LRRC27: variants seen among roughly 807,000 people sequenced by gnomAD.
LRRC27 encodes leucine-rich repeat-containing protein 27.
Under a neutral mutation model 55.0 loss-of-function variants are expected in LRRC27, and 57 were observed. The observed-to-expected ratio is 1.04, with a 90% CI of 0.84 to 1.29. The LOEUF (loss-of-function observed/expected upper bound fraction) is 1.29, where lower values mean the gene tolerates loss of function less well. Among genes scored for constraint, LRRC27 ranks in the 50% most tolerant of loss-of-function variants. The probability of loss-of-function intolerance (pLI) is 0.00; values close to 1 mark genes in which losing one functional copy is unlikely to be tolerated. For missense variants in LRRC27, 721 were observed against 651.5 expected, an observed-to-expected ratio of 1.11 and a Z score of -1.16; for synonymous variants, 278 against 251.9, an observed-to-expected ratio of 1.10 and a Z score of -0.98.
upstream of LRRC27, chr10:132,331,851 C>G: frequency 6.9e-7 from 1 of 1,443,218 alleles, no homozygotes; most frequent in South Asian, 1.2e-5. Flanking sequence ...AAAACGGATG[C>G]TACCGTTGGC....
Position 132,370,365 on chromosome 10 carries a change from C to T in LRRC27, c.1417-4701C>T, listed in dbSNP as rs563566420. Among the ~76,000 whole-genome samples, 30 of 152,340 alleles carry T rather than the reference C, an allele frequency of 2.0e-4. No individual in the cohort carries two copies. In the South Asian group the frequency reaches 4.6e-3, roughly 23 times the overall value. On this transcript the variant is annotated intron_variant, in intron 10 of 10. Transcript: ENST00000368614. ...CCCAGGAGACAGGGACATAAACACCCGCTAACTTCCCATGACAGGCTCCCT... is the reference window on the plus strand; with the variant it reads ...CCCAGGAGACAGGGACATAAACACCTGCTAACTTCCCATGACAGGCTCCCT...
Position 132,375,333 on chromosome 10 carries a change from G to A in LRRC27, c.*91G>A, listed in dbSNP as rs1436190819. The stretch of plus-strand genomic sequence containing the variant: ...TCGCCTCCTGTGTGGTGCCGGAAGA[G>A]CGCCAGGTTCAGTGTTACCCTGAGG... On this transcript the variant is annotated 3_prime_UTR_variant, in exon 11 of 11. Coordinates refer to ENST00000368614, the MANE Select transcript of LRRC27 (RefSeq NM_030626.3). The A allele has an allele frequency of 3.2e-6, 4 of 1,269,330 alleles. No individual in the cohort carries two copies. Among genetic ancestry groups the A allele is most frequent in the Admixed American group, 2.2e-5 (1 of 45,320 alleles). The allele number at this position is 1,269,330 out of a possible 1,614,324, so 78.6% of individuals were successfully genotyped here.
At chr10:132,352,186 C>T (rs552207715) in intron 7 of LRRC27, among the ~76,000 whole-genome samples, 2 of 109,006 alleles carry the variant, frequency 1.8e-5, no homozygotes, top group African/African-American at 7.0e-5. Context: ...CTGAGGCCTC[C>T]GTGTGGGGCA....
At chr10:132,363,811 G>C (rs185842184) in intron 9 of LRRC27, among the ~76,000 whole-genome samples, 3 of 152,272 alleles carry the variant, frequency 2.0e-5, no homozygotes, top group African/African-American at 7.2e-5. Context: ...CCTGGAGGAA[G>C]GGTGAGGTGG....
intron 5 of LRRC27, 128 bp downstream of exon 5, chr10:132,344,778 G>A: frequency 2.0e-6 from 2 of 1,002,710 alleles, no homozygotes; most frequent in Non-Finnish European, 1.5e-6. Flanking sequence ...CCTCTGCTGA[G>A]TTGACACAGT....
intron 3 of LRRC27, 106 bp downstream of exon 3, chr10:132,337,801 TA>T (rs1387519370): frequency 1.0e-4 from 136 of 1,315,782 alleles, no homozygotes; most frequent in Non-Finnish European, 1.3e-4. Context: ...TACCTCGGAA[TA>T]GAAACATTTA....
chr10:132,343,825 T>G (rs1466119405), intron 4 of LRRC27, among the ~76,000 whole-genome samples: 1 of 152,246 alleles, frequency 6.6e-6, no homozygotes, highest in African/African-American at 2.4e-5. Flanking sequence ...GCCCCTGCAG[T>G]GCTTCCCCGT....
At chr10:132,353,239 G>A (rs983422863) in intron 7 of LRRC27, 43 of 1,303,766 alleles carry the variant, frequency 3.3e-5, no homozygotes, top group Middle Eastern at 6.1e-4. Flanking sequence ...GGAGCTGGCC[G>A]AGTCCAGCCT....
chr10:132,361,501 G>C lies in LRRC27; in HGVS notation c.1215G>C (p.Arg405Ser). 1.9e-6 allele frequency: 3 copies of C among 1,613,966 alleles called. No individual in the cohort carries two copies. The highest frequency in any genetic ancestry group is 2.5e-6 in the Non-Finnish European group (3 of 1,179,988). Reference sequence around the variant, plus strand: ...CTGCCACAGATCTGATAGATAACAGGAAAGTACCACTGAATCCGCCTGGAA... The same window carrying C: ...CTGCCACAGATCTGATAGATAACAGCAAAGTACCACTGAATCCGCCTGGAA... ...IPSATDLIDN[R>S]KVPLNPPGKM... Residue 405 changes from arginine to serine, a missense_variant, in exon 9 of 11, where the codon AGG becomes AGC. Coordinates refer to ENST00000368614, the MANE Select transcript of LRRC27 (RefSeq NM_030626.3).
At position 132,332,249 on chromosome 10, in the gene LRRC27, C is replaced by G. The variant is rs1364370831; in HGVS notation, c.-56C>G. On this transcript the variant is annotated 5_prime_UTR_variant, in exon 1 of 11. Transcript: ENST00000368614. ...TCGCCAGCGCTTCAGTGGGCGGGGA[C>G]GCGGCAGGTGAGACGGGGCGGGTAC... 6.5e-6 allele frequency: 1 copy of G among 153,548 alleles called. No individual in the cohort carries two copies. Among genetic ancestry groups the G allele is most frequent in the Non-Finnish European group, 1.4e-5 (1 of 68,994 alleles). 9.5% of individuals were successfully genotyped at this position (153,548 alleles called of 1,614,324 possible). A position where few individuals can be genotyped will look rare whatever the true frequency, so the allele number is the denominator to read the frequency against.
chr10:132,358,700 T>C (rs1454061373), intron 8 of LRRC27, among the ~76,000 whole-genome samples: 1 of 45,582 alleles, frequency 2.2e-5, no homozygotes, highest in East Asian at 1.5e-3. Flanking sequence ...GCCGAGGTGG[T>C]AGAGCAGTGT....
Position 132,372,461 on chromosome 10 carries a change from A to G in LRRC27, c.1417-2605A>G, listed in dbSNP as rs561789267. 1.6e-4 allele frequency among the ~76,000 whole-genome samples: 24 copies of G among 152,332 alleles called. No individual in the cohort carries two copies. The highest frequency in any genetic ancestry group is 6.8e-3 in the Middle Eastern group (2 of 294). On this transcript the variant is annotated intron_variant, in intron 10 of 10. Coordinates refer to ENST00000368614, the MANE Select transcript of LRRC27 (RefSeq NM_030626.3). The surrounding 1 kb of genome is among the most constrained non-coding windows in gnomAD (Gnocchi z 4.0). ...TGTGCACCTGTAATCCCAGCTACGC[A>G]GGAGACAAAGGCCGGAGAATCGCTT...
At chr10:132,340,046 C>T (rs1033901865) in intron 3 of LRRC27, among the ~76,000 whole-genome samples, 16 of 152,124 alleles carry the variant, frequency 1.1e-4, no homozygotes, top group Non-Finnish European at 2.2e-4. Flanking sequence ...AAAACAGTGA[C>T]GGTGTTAGCA....
chr10:132,347,378 T>C, intron 5 of LRRC27, among the ~76,000 whole-genome samples: 1 of 131,472 alleles, frequency 7.6e-6, no homozygotes, highest in Non-Finnish European at 1.6e-5. Context: ...CAGGTGTGTC[T>C]GGTGGGGCCT....
intron 9 of LRRC27, among the ~76,000 whole-genome samples, chr10:132,364,479 ACCCACAC>A (rs2068873255): frequency 1.8e-5 from 2 of 112,412 alleles, no homozygotes; most frequent in African/African-American, 4.3e-5. Context: ...ACTTACACCC[ACCCACAC>A]TTACACCCAC....
intron 10 of LRRC27, among the ~76,000 whole-genome samples, chr10:132,371,714 G>A (rs2069221632): frequency 6.6e-6 from 1 of 152,240 alleles, no homozygotes; most frequent in African/African-American, 2.4e-5. Context: ...CCGGCAGGAT[G>A]TGAGCAGAAG....
In LRRC27 at chr10:132,341,850, G is replaced by A. The variant is rs142680431; in HGVS notation, c.342-363G>A. Among the ~76,000 whole-genome samples the A allele has an allele frequency of 1.2e-3, 183 of 152,346 alleles. 1 individual carries two copies. The highest frequency in any genetic ancestry group is 3.9e-3 in the African/African-American group (161 of 41,588). Reference sequence around the variant, plus strand: ...AAAGCCTAAAATAGAGGTTCTTAACGGGGAGATTTTACCCCCAGGAGACTG... The same window carrying A: ...AAAGCCTAAAATAGAGGTTCTTAACAGGGAGATTTTACCCCCAGGAGACTG... On this transcript the variant is annotated intron_variant, in intron 3 of 10. Coordinates refer to ENST00000368614, the MANE Select transcript of LRRC27 (RefSeq NM_030626.3).
intron 3 of LRRC27, among the ~76,000 whole-genome samples, chr10:132,340,829 C>G (rs1182584641): frequency 6.9e-6 from 1 of 143,946 alleles, no homozygotes. Context: ...AAAAATTAGC[C>G]AAGATCACAC....
At chr10:132,361,947 C>T (rs1442280358) in intron 9 of LRRC27, among the ~76,000 whole-genome samples, 4 of 152,194 alleles carry the variant, frequency 2.6e-5, no homozygotes, top group Non-Finnish European at 5.9e-5. Flanking sequence ...ACCGCCGCTG[C>T]CTCCCCAGGT....
Sources: allele counts gnomAD v4.1 joint callset (sites outside exome capture counted in the v4.1 genomes callset), GRCh38; gene constraint gnomAD v4.1.1; non-coding constraint Gnocchi (gnomAD v3.1); transcripts MANE v1.5; gene names NCBI Gene and HGNC (gene_info 2026-07-23, HGNC 2026-07-21).